Variants in CD84 observed in about 807,000 individuals in gnomAD.
CD84 encodes the protein SLAM family member 5.
A neutral mutation model predicts 33.8 loss-of-function variants in CD84; 22 were observed. That is an observed-to-expected ratio of 0.65 (90% CI 0.46 to 0.93). The LOEUF (loss-of-function observed/expected upper bound fraction) is 0.93, where lower values mean the gene tolerates loss of function less well. Ranked by LOEUF, CD84 falls within the 40% of genes least tolerant of loss-of-function variation. The pLI is 0.00. For synonymous variants in CD84, 154 were observed against 145.2 expected, an observed-to-expected ratio of 1.06 and a Z score of -0.44; for missense variants, 400 against 397.6, an observed-to-expected ratio of 1.01 and a Z score of -0.05.
At chr1:160,563,930 C>T (rs559692658) in intron 2 of CD84, among the ~76,000 whole-genome samples, 5 of 152,030 alleles carry the variant, frequency 3.3e-5, no homozygotes, top group Non-Finnish European at 7.4e-5. Context: ...GCACTAGGTC[C>T]GTACTTTCTC....
rs1657538307 is a variant in CD84, at chr1:160,569,387, T to C, written c.47-3642A>G. Among the ~76,000 whole-genome samples the C allele has an allele frequency of 2.6e-5, 4 of 152,340 alleles. No homozygotes were observed. In the South Asian group the frequency reaches 8.3e-4, roughly 32 times the overall value. Reference sequence around the variant, plus strand: ...CACTGGAAGTGACCTTAGTAAAATCTAATTTCAGAGATAACTTGTGGCACA... The same window carrying C: ...CACTGGAAGTGACCTTAGTAAAATCCAATTTCAGAGATAACTTGTGGCACA... On this transcript the variant is annotated intron_variant, in intron 1 of 6. Transcript: ENST00000368054.
At chr1:160,556,737 A>G (rs7545135) in intron 2 of CD84, among the ~76,000 whole-genome samples, 7,588 of 152,314 alleles carry the variant, frequency 0.05, 644 homozygotes, top group African/African-American at 0.17. Context: ...CCCATAAGGT[A>G]CAGATTTTAT....
intron 2 of CD84, among the ~76,000 whole-genome samples, chr1:160,559,035 G>A (rs115379193): frequency 0.038 from 5,727 of 152,222 alleles, 180 homozygotes; most frequent in African/African-American, 0.076. Context: ...TGGGGAGAAT[G>A]GAACTAAGTT....
chr1:160,568,577 T>C (rs1048357041), intron 1 of CD84, among the ~76,000 whole-genome samples: 1 of 152,184 alleles, frequency 6.6e-6, no homozygotes, highest in African/African-American at 2.4e-5. Flanking sequence ...CTTCTACTTA[T>C]GAACTGGACA....
rs1388318345 is a variant in CD84, at chr1:160,545,410, C to A, written c.*2846G>T. On this transcript the variant is annotated 3_prime_UTR_variant, in exon 7 of 7. Coordinates refer to ENST00000368054, the MANE Select transcript of CD84 (RefSeq NM_003874.4). ...TGGTTTTATTTTAGGATAAACGCAG[C>A]CTGTTCAGTGTCACTTTGGAATTCC... is the stretch of plus-strand genomic sequence containing the variant. 1 of 152,114 alleles carries A rather than the reference C, an allele frequency of 6.6e-6. No homozygotes were observed. The highest frequency in any genetic ancestry group is 2.4e-5 in the African/African-American group (1 of 41,414). 9.4% of individuals were successfully genotyped at this position (152,114 alleles called of 1,614,324 possible). A position where few individuals can be genotyped will look rare whatever the true frequency, so the allele number is the denominator to read the frequency against.
In CD84 at chr1:160,548,037, T is replaced by G; in HGVS notation, c.*219A>C. 1 of 576,342 alleles carries G rather than the reference T, an allele frequency of 1.7e-6. No individual in the cohort carries two copies. The highest frequency in any genetic ancestry group is 3.1e-6 in the Non-Finnish European group (1 of 321,150). 35.7% of individuals were successfully genotyped at this position (576,342 alleles called of 1,614,324 possible). A position where few individuals can be genotyped will look rare whatever the true frequency, so the allele number is the denominator to read the frequency against. ...CTATACTAGGTAACCTGCTTTGTCA[T>G]TCATTCAGAAGGGAGTCATTTCAGG... On this transcript the variant is annotated 3_prime_UTR_variant, in exon 7 of 7. Transcript: ENST00000368054.
In CD84 at chr1:160,547,087, T is replaced by A. The variant is rs11586224; in HGVS notation, c.*1169A>T. 5.0e-6 allele frequency: 2 copies of A among 398,764 alleles called. No homozygotes were observed. The highest frequency in any genetic ancestry group is 8.8e-6 in the Non-Finnish European group (2 of 226,064). 24.7% of individuals were successfully genotyped at this position (398,764 alleles called of 1,614,324 possible). A position where few individuals can be genotyped will look rare whatever the true frequency, so the allele number is the denominator to read the frequency against. On this transcript the variant is annotated 3_prime_UTR_variant, in exon 7 of 7. Transcript: ENST00000368054. ...CTCAGTTGTGAATGATTCTTCCTCA[T>A]TGAGGAGAGTTAATGCCTGTGTAAG...
Position 160,578,750 on chromosome 1 carries a change from T to C in CD84, c.46+642A>G, listed in dbSNP as rs147787852. Among the ~76,000 whole-genome samples, 558 of 152,314 alleles carry C rather than the reference T, an allele frequency of 3.7e-3. 5 individuals carry two copies. The highest frequency in any genetic ancestry group is 0.013 in the African/African-American group (542 of 41,586). On this transcript the variant is annotated intron_variant, in intron 1 of 6. Coordinates refer to ENST00000368054, the MANE Select transcript of CD84 (RefSeq NM_003874.4). ...ATGTCGTTCTTTTAGTTTACTGTTA[T>C]GCCATAAGTAAGAAAAATAGGGTTT...
intron 3 of CD84, 76 bp from the exon 4 acceptor site, chr1:160,553,573 AG>A (rs1656393981): frequency 1.3e-6 from 2 of 1,546,938 alleles, no homozygotes; most frequent in Non-Finnish European, 8.9e-7. Flanking sequence ...GCCCACAGTC[AG>A]GGGCATTATG....
chr1:160,547,480 C>T lies in CD84; in HGVS notation c.*776G>A. 3.2e-6 allele frequency: 1 copy of T among 308,464 alleles called. No homozygotes were observed. Among genetic ancestry groups the T allele is most frequent in the Non-Finnish European group, 5.9e-6 (1 of 169,558 alleles). The allele number at this position is 308,464 out of a possible 1,614,324, so 19.1% of individuals were successfully genotyped here. A position where few individuals can be genotyped will look rare whatever the true frequency, so the allele number is the denominator to read the frequency against. On this transcript the variant is annotated 3_prime_UTR_variant, in exon 7 of 7. Transcript: ENST00000368054. The stretch of plus-strand genomic sequence containing the variant: ...ACTCCAAGAAAAGTGTCCCAGCAGT[C>T]TCTAGACCCTGCAGAAAGAACATTT...
chr1:160,551,776 C>A (rs530078769), intron 4 of CD84, among the ~76,000 whole-genome samples: 1 of 152,314 alleles, frequency 6.6e-6, no homozygotes, highest in South Asian at 2.1e-4. Context: ...AACTCCTGAG[C>A]TCAGCTGATC....
At chr1:160,557,692 T>A (rs1656695485) in intron 2 of CD84, among the ~76,000 whole-genome samples, 1 of 152,214 alleles carries the variant, frequency 6.6e-6, no homozygotes, top group Admixed American at 6.5e-5. Flanking sequence ...GCAGGTAATA[T>A]TACTTTTAAA....
intron 4 of CD84, chr1:160,552,855 G>A (rs1188660537): frequency 4.1e-6 from 3 of 736,046 alleles, no homozygotes; most frequent in South Asian, 1.5e-5. Flanking sequence ...GTGAATCGGA[G>A]GGTATAATGA....
At chr1:160,568,373 G>C (rs965594791) in intron 1 of CD84, among the ~76,000 whole-genome samples, 10 of 152,090 alleles carry the variant, frequency 6.6e-5, no homozygotes, top group African/African-American at 2.4e-4. Flanking sequence ...GGCAAAGCTG[G>C]GGGAAGCTGT....
chr1:160,562,109 T>C (rs1339043222), intron 2 of CD84, among the ~76,000 whole-genome samples: 1 of 152,200 alleles, frequency 6.6e-6, no homozygotes, highest in African/African-American at 2.4e-5. Flanking sequence ...CATTCCATGC[T>C]CATGGATAGG....
intron 2 of CD84, among the ~76,000 whole-genome samples, chr1:160,559,566 A>G (rs1030371847): frequency 3.3e-5 from 5 of 152,174 alleles, no homozygotes; most frequent in African/African-American, 1.2e-4. Context: ...TGAAGCAACT[A>G]CATAAACAAG....
chr1:160,553,534 G>A (rs1228429984), intron 3 of CD84, 37 bp from the exon 4 acceptor site: 1 of 1,612,904 alleles, frequency 6.2e-7, no homozygotes, highest in Non-Finnish European at 8.5e-7. Flanking sequence ...TGATTCTCAG[G>A]AAATAGGCCC....
intron 1 of CD84, among the ~76,000 whole-genome samples, chr1:160,568,757 A>C (rs1657488254): frequency 6.6e-6 from 1 of 152,080 alleles, no homozygotes; most frequent in African/African-American, 2.4e-5. Flanking sequence ...AGTAGCTGGG[A>C]TTACAGGTGC....
At chr1:160,559,707 C>T (rs1462326349) in intron 2 of CD84, among the ~76,000 whole-genome samples, 4 of 152,076 alleles carry the variant, frequency 2.6e-5, no homozygotes, top group Non-Finnish European at 5.9e-5. Flanking sequence ...TATGCTGAGA[C>T]CCATTTGTAT....
Sources: gnomAD v4.1 joint callset for allele counts (sites outside exome capture counted in the v4.1 genomes callset) on GRCh38, gnomAD v4.1.1 for gene constraint, MANE v1.5 for transcripts, NCBI Gene and HGNC (gene_info 2026-07-23, HGNC 2026-07-21) for gene names.